GABRA3: variants seen among roughly 807,000 people sequenced by gnomAD.
The protein encoded by GABRA3 is gamma-aminobutyric acid receptor subunit alpha-3.
In GABRA3, 10 loss-of-function variants were observed where a neutral mutation model predicts 30.1. The ratio of observed to expected loss-of-function variants is 0.33; its 90% CI spans 0.20 to 0.56. GABRA3 has a LOEUF of 0.56. Ranked by LOEUF, GABRA3 falls within the 20% of genes least tolerant of loss-of-function variation. GABRA3 has a pLI of 0.89. For synonymous variants in GABRA3, 151 were observed against 146.8 expected (o/e 1.03, Z -0.21); for missense variants, 233 against 392.0 (o/e 0.59, Z 3.42).
At chrX:152,263,484 T>C (rs1266155132) in intron 4 of GABRA3, among the ~76,000 whole-genome samples, 1 of 109,497 alleles carries the variant, frequency 9.1e-6, no homozygotes, top group Non-Finnish European at 1.9e-5. Context: ...GCAGAAGAAA[T>C]AATTATTGAG....
chrX:152,415,909 G>T (rs971128609), intron 1 of GABRA3, among the ~76,000 whole-genome samples: 2 of 111,366 alleles, frequency 1.8e-5, no homozygotes, highest in African/African-American at 6.5e-5. Context: ...GAAAGGAAAA[G>T]AAAATACTAG....
At chrX:152,290,618 G>T (rs1939392402) in intron 3 of GABRA3, among the ~76,000 whole-genome samples, 1 of 111,791 alleles carries the variant, frequency 8.9e-6, no homozygotes, top group African/African-American at 3.3e-5. Context: ...TATTGCCTAG[G>T]TTTTCTTTTA....
intron 1 of GABRA3, among the ~76,000 whole-genome samples, chrX:152,406,436 T>C (rs1213032836): frequency 4.6e-5 from 5 of 107,928 alleles, no homozygotes; most frequent in African/African-American, 1.7e-4. Flanking sequence ...ATTAGCTATC[T>C]TATATCAGAT....
chrX:152,315,948 G>T (rs1939867497), intron 3 of GABRA3, among the ~76,000 whole-genome samples: 1 of 82,857 alleles, frequency 1.2e-5, no homozygotes. Flanking sequence ...ATATTCTCTT[G>T]GGAGTTTTAG....
At chrX:152,169,391 C>T (rs951404235) in intron 9 of GABRA3, among the ~76,000 whole-genome samples, 2 of 112,301 alleles carry the variant, frequency 1.8e-5, no homozygotes, top group African/African-American at 6.5e-5. Flanking sequence ...GTTGCTATGT[C>T]ACTGCCCTTT....
At chrX:152,389,876 T>C (rs1192088940) in intron 1 of GABRA3, among the ~76,000 whole-genome samples, 2 of 109,852 alleles carry the variant, frequency 1.8e-5, no homozygotes, top group Non-Finnish European at 3.8e-5. Context: ...GCTTAGAAAA[T>C]TGTGATTTTT....
intron 9 of GABRA3, among the ~76,000 whole-genome samples, chrX:152,176,199 G>A (rs994666360): frequency 9.0e-6 from 1 of 111,060 alleles, no homozygotes; most frequent in Non-Finnish European, 1.9e-5. Context: ...CAGATCTAAG[G>A]ACAAGATCCT....
At chrX:152,381,630 T>C (rs1219422576) in intron 1 of GABRA3, among the ~76,000 whole-genome samples, 2 of 110,810 alleles carry the variant, frequency 1.8e-5, no homozygotes, top group Non-Finnish European at 3.8e-5. Context: ...ATAGGTGCCA[T>C]GGTGGTTTGC....
chrX:152,208,603 G>A (rs1937600842), intron 6 of GABRA3, among the ~76,000 whole-genome samples: 1 of 111,126 alleles, frequency 9.0e-6, no homozygotes, highest in Non-Finnish European at 1.9e-5. Context: ...GGGGTGCAGT[G>A]GGAGGTGTTT....
intron 5 of GABRA3, among the ~76,000 whole-genome samples, chrX:152,241,737 C>T (rs979042373): frequency 3.6e-5 from 4 of 109,610 alleles, no homozygotes; most frequent in Admixed American, 9.6e-5. Context: ...GTCTGAAAAG[C>T]GCAATATTCG....
intron 1 of GABRA3, among the ~76,000 whole-genome samples, chrX:152,434,843 A>G (rs917674569): frequency 8.9e-6 from 1 of 111,798 alleles, no homozygotes; most frequent in Non-Finnish European, 1.9e-5. Context: ...GCATACATTC[A>G]TGATAAAAAT....
At chrX:152,435,091 T>C (rs981401695) in intron 1 of GABRA3, among the ~76,000 whole-genome samples, 2 of 111,735 alleles carry the variant, frequency 1.8e-5, no homozygotes, top group Admixed American at 9.5e-5. Flanking sequence ...GAAAAAAAGA[T>C]ATGATTTGGA....
intron 1 of GABRA3, among the ~76,000 whole-genome samples, chrX:152,365,628 A>C (rs1020941186): frequency 1.8e-5 from 2 of 111,898 alleles, no homozygotes; most frequent in African/African-American, 6.5e-5. Context: ...CAGTGAATTA[A>C]TTTTCAGAGA....
At chrX:152,188,093 GGAA>G (rs766478527) in intron 9 of GABRA3, among the ~76,000 whole-genome samples, 1 of 111,119 alleles carries the variant, frequency 9.0e-6, no homozygotes, top group East Asian at 2.8e-4. Context: ...GAAGGTGGGG[GGAA>G]GAAGGAGGGA....
At chrX:152,282,112 A>C (rs1196139332) in intron 4 of GABRA3, among the ~76,000 whole-genome samples, 4 of 112,120 alleles carry the variant, frequency 3.6e-5, no homozygotes, top group African/African-American at 1.3e-4. Flanking sequence ...AACGTAATGG[A>C]TGTAAAATAT....
intron 2 of GABRA3, among the ~76,000 whole-genome samples, chrX:152,347,707 G>A (rs1264332438): frequency 8.9e-6 from 1 of 112,058 alleles, no homozygotes; most frequent in South Asian, 3.7e-4. Context: ...TAGCTTCCAT[G>A]AGAATGCATT....
chrX:152,281,091 T>C (rs760813945), intron 4 of GABRA3, among the ~76,000 whole-genome samples: 65 of 110,780 alleles, frequency 5.9e-4, no homozygotes, highest in Non-Finnish European at 9.8e-4. Context: ...AGAAGGGAAT[T>C]TGGACCAGAT....
intron 5 of GABRA3, among the ~76,000 whole-genome samples, chrX:152,250,337 G>T (rs889073111): frequency 6.3e-5 from 7 of 111,293 alleles, no homozygotes; most frequent in African/African-American, 2.3e-4. Flanking sequence ...AGATATTCCA[G>T]AACTTTAAAC....
chrX:152,374,222 C>T lies in GABRA3; in HGVS notation c.-26-9626G>A, dbSNP rs752731091. ...AAACCTTTGTCAGATGGATAGATTG[C>T]AAACATTTTCTCCCATTCTGTAGGT... On this transcript the variant is annotated intron_variant, in intron 1 of 9. Coordinates refer to ENST00000370314, the MANE Select transcript of GABRA3 (RefSeq NM_000808.4). Among the ~76,000 whole-genome samples, 8 of 110,601 alleles carry T rather than the reference C, an allele frequency of 7.2e-5. No homozygotes were observed. The South Asian group carries it at 3.1e-3, about 43-fold the overall frequency.
Sources: gnomAD v4.1 joint callset for allele counts (sites outside exome capture counted in the v4.1 genomes callset) on GRCh38, gnomAD v4.1.1 for gene constraint, MANE v1.5 for transcripts, NCBI Gene and HGNC (gene_info 2026-07-23, HGNC 2026-07-21) for gene names.